The following CAST variants were observed in gnomAD, a reference collection of about 807,000 sequenced individuals.
CAST encodes MIR583 host.
A neutral mutation model predicts 119.6 loss-of-function variants in CAST; 76 were observed. The observed-to-expected ratio is 0.64, with a 90% CI of 0.53 to 0.77. The LOEUF is 0.77. Among genes scored for constraint, CAST ranks in the 30% least tolerant of loss-of-function variants. The pLI is 0.00. For missense variants in CAST, 953 were observed against 946.5 expected, an observed-to-expected ratio of 1.01 and a Z score of -0.09; for synonymous variants, 319 against 331.6, an observed-to-expected ratio of 0.96 and a Z score of 0.41.
chr5:95,981,677 C>T, the CAST span, among the ~76,000 whole-genome samples: 1 of 152,134 alleles, frequency 6.6e-6, no homozygotes, highest in Non-Finnish European at 1.5e-5. Context: ...AGATCGAGAC[C>T]TTCCTGGCCA....
the CAST span, among the ~76,000 whole-genome samples, chr5:96,243,451 C>T: frequency 6.6e-6 from 1 of 152,090 alleles, no homozygotes; most frequent in East Asian, 1.9e-4. Flanking sequence ...ACTGAATTTA[C>T]ATTTTTAAAA....
intron 1 of CAST, among the ~76,000 whole-genome samples, chr5:96,663,939 CAAAA>C (rs3048777): frequency 0.27 from 29,574 of 111,052 alleles, 3,654 homozygotes; most frequent in African/African-American, 0.38. Context: ...GATTGCTTTC[CAAAA>C]AAAAAAAAAA....
At chr5:96,147,305 T>G in the CAST span, among the ~76,000 whole-genome samples, 2 of 152,210 alleles carry the variant, frequency 1.3e-5, no homozygotes, top group Non-Finnish European at 1.5e-5. Context: ...ACTTTTAACC[T>G]TGTTACAAAT....
chr5:96,553,786 A>G (rs1746180885), intron 1 of CAST, among the ~76,000 whole-genome samples: 1 of 152,220 alleles, frequency 6.6e-6, no homozygotes, highest in Non-Finnish European at 1.5e-5. Flanking sequence ...CCAAATCATG[A>G]GTTAACTCCC....
At chr5:96,446,530 G>T in the CAST span, among the ~76,000 whole-genome samples, 1 of 152,196 alleles carries the variant, frequency 6.6e-6, no homozygotes, top group Non-Finnish European at 1.5e-5. Flanking sequence ...AGCAGGAATT[G>T]CTTCAGAGAG....
At chr5:96,284,917 C>T in the CAST span, among the ~76,000 whole-genome samples, 1 of 152,140 alleles carries the variant, frequency 6.6e-6, no homozygotes, top group Admixed American at 6.5e-5. Flanking sequence ...CTTTCACTAC[C>T]CATAGTTTGG....
the CAST span, among the ~76,000 whole-genome samples, chr5:96,481,788 G>T: frequency 6.6e-6 from 1 of 152,092 alleles, no homozygotes; most frequent in African/African-American, 2.4e-5. Context: ...TTAAGTTGGT[G>T]GTGTTTAGTA....
intron 3 of CAST, among the ~76,000 whole-genome samples, chr5:96,699,124 G>T (rs1753612866): frequency 6.6e-6 from 1 of 152,196 alleles, no homozygotes; most frequent in Non-Finnish European, 1.5e-5. Flanking sequence ...TGGTAAATCA[G>T]TAGTGAAGAT....
the CAST span, among the ~76,000 whole-genome samples, chr5:96,109,071 C>T: frequency 6.6e-6 from 1 of 152,256 alleles, no homozygotes; most frequent in Admixed American, 6.5e-5. Context: ...CAATGCCTCG[C>T]CCTGCTTCGG....
At chr5:96,675,309 G>T (rs1048343587) in intron 1 of CAST, among the ~76,000 whole-genome samples, 30 of 152,146 alleles carry the variant, frequency 2.0e-4, no homozygotes, top group African/African-American at 7.0e-4. Flanking sequence ...ATCACCATCA[G>T]CTCTGCATCT....
chr5:96,054,579 C>T, the CAST span, among the ~76,000 whole-genome samples: 2 of 152,082 alleles, frequency 1.3e-5, no homozygotes, highest in South Asian at 4.1e-4. Flanking sequence ...TCAGTGATTT[C>T]CTGTGGAAAT....
At position 96,735,639 on chromosome 5, in the gene CAST, C is replaced by T. The variant is rs1761477731; in HGVS notation, c.631-533C>T. On this transcript the variant is annotated intron_variant, in intron 9 of 31. Transcript: ENST00000675179. Reference sequence around the variant, plus strand: ...TCCAAGGGTCAAATTTCAGAGATTACATCTGGATAAAAGCATGGAAACTGC... The same window carrying T: ...TCCAAGGGTCAAATTTCAGAGATTATATCTGGATAAAAGCATGGAAACTGC... 2.0e-5 allele frequency among the ~76,000 whole-genome samples: 3 copies of T among 152,184 alleles called. No individual in the cohort carries two copies. In the South Asian group the frequency reaches 6.2e-4, roughly 32 times the overall value.
At chr5:96,374,413 CA>C in the CAST span, among the ~76,000 whole-genome samples, 1 of 152,206 alleles carries the variant, frequency 6.6e-6, no homozygotes, top group African/African-American at 2.4e-5. Context: ...GAACTTTTGA[CA>C]TAGAGGAGGT....
chr5:96,736,024 T>C lies in CAST; in HGVS notation c.631-148T>C, dbSNP rs1172216936. ...ATTAAAGCCCTTCTGAAAAAGGATA[T>C]AAAACACACAGCACAGTTTCTGCTG... On this transcript the variant is annotated intron_variant, in intron 9 of 31. Coordinates refer to ENST00000675179, the MANE Select transcript of CAST (RefSeq NM_001750.7). 8.6e-6 allele frequency: 5 copies of C among 582,508 alleles called. 1 individual carries two copies. The East Asian group carries it at 1.5e-4, about 17-fold the overall frequency. 36.1% of individuals were successfully genotyped at this position (582,508 alleles called of 1,614,324 possible). A position where few individuals can be genotyped will look rare whatever the true frequency, so the allele number is the denominator to read the frequency against.
At chr5:95,991,306 C>G in the CAST span, among the ~76,000 whole-genome samples, 1 of 152,086 alleles carries the variant, frequency 6.6e-6, no homozygotes, top group Non-Finnish European at 1.5e-5. Flanking sequence ...TGTCTACCAG[C>G]TGTTAGTGAA....
At chr5:95,971,492 A>G in the CAST span, among the ~76,000 whole-genome samples, 1 of 152,250 alleles carries the variant, frequency 6.6e-6, no homozygotes, top group South Asian at 2.1e-4. Flanking sequence ...ATTTACATAC[A>G]GTAAAATTTA....
At chr5:96,207,630 C>T in the CAST span, among the ~76,000 whole-genome samples, 4 of 152,100 alleles carry the variant, frequency 2.6e-5, no homozygotes, top group Admixed American at 2.6e-4. Context: ...ACCAACCTTG[C>T]ATTCCAGGGA....
the CAST span, among the ~76,000 whole-genome samples, chr5:96,430,814 G>T: frequency 6.6e-6 from 1 of 152,066 alleles, no homozygotes; most frequent in East Asian, 1.9e-4. Flanking sequence ...AATATAGATG[G>T]TTTTCCCCCA....
the CAST span, among the ~76,000 whole-genome samples, chr5:96,280,162 G>A: frequency 6.6e-6 from 1 of 152,146 alleles, no homozygotes; most frequent in Admixed American, 6.5e-5. Context: ...AACAAGAGGT[G>A]ATCTCGTATT....
Sources: allele counts gnomAD v4.1 joint callset (sites outside exome capture counted in the v4.1 genomes callset), GRCh38; gene constraint gnomAD v4.1.1; transcripts MANE v1.5; gene names NCBI Gene and HGNC (gene_info 2026-07-23, HGNC 2026-07-21).